The following SYNPR variants were observed in gnomAD, a reference collection of about 807,000 sequenced individuals.
SYNPR encodes the protein synaptoporin.
Under a neutral mutation model 32.9 loss-of-function variants are expected in SYNPR, and 23 were observed. The observed-to-expected ratio is 0.70, with a 90% CI of 0.50 to 0.99. SYNPR has a LOEUF of 0.99. Ranked by LOEUF, SYNPR falls within the 50% of genes least tolerant of loss-of-function variation. The pLI is 0.00. For missense variants in SYNPR, 318 were observed against 349.3 expected (o/e 0.91, Z 0.71); for synonymous variants, 146 against 135.9 (o/e 1.07, Z -0.52).
the SYNPR span, among the ~76,000 whole-genome samples, chr3:63,211,297 C>G: frequency 1.3e-5 from 2 of 152,098 alleles, no homozygotes; most frequent in South Asian, 2.1e-4. Context: ...GAACTCCTGA[C>G]CTCAAATGAT....
At chr3:63,400,755 C>T (rs967932443) in intron 2 of SYNPR, among the ~76,000 whole-genome samples, 10 of 152,172 alleles carry the variant, frequency 6.6e-5, no homozygotes, top group African/African-American at 2.4e-4. Flanking sequence ...TATGTCAAAC[C>T]CACCACAGGC....
At chr3:63,203,683 A>G in the SYNPR span, among the ~76,000 whole-genome samples, 1 of 152,168 alleles carries the variant, frequency 6.6e-6, no homozygotes, top group African/African-American at 2.4e-5. Context: ...CTACCTAGAC[A>G]CTACTGCCTC....
intron 4 of SYNPR, among the ~76,000 whole-genome samples, chr3:63,568,261 C>T (rs1050622195): frequency 3.9e-5 from 6 of 152,130 alleles, no homozygotes; most frequent in Non-Finnish European, 8.8e-5. Flanking sequence ...ATCCAATTTA[C>T]AGAGGTTAAG....
At chr3:63,243,727 A>G (rs967087433) in intron 1 of SYNPR, among the ~76,000 whole-genome samples, 5 of 152,084 alleles carry the variant, frequency 3.3e-5, no homozygotes, top group African/African-American at 4.8e-5. Flanking sequence ...TTATATTGTC[A>G]TAACTTCCTC....
At chr3:63,340,419 ATT>A (rs60297238) in intron 2 of SYNPR, among the ~76,000 whole-genome samples, 5 of 128,516 alleles carry the variant, frequency 3.9e-5, no homozygotes, top group Admixed American at 8.4e-5. Context: ...AAAAAAATGT[ATT>A]TTTTTTTTTT....
At chr3:63,499,006 C>A (rs574999903) in intron 3 of SYNPR, among the ~76,000 whole-genome samples, 2 of 147,180 alleles carry the variant, frequency 1.4e-5, no homozygotes, top group Non-Finnish European at 3.0e-5. Flanking sequence ...GTGCCATGAT[C>A]TGATTTACAT....
At chr3:63,280,677 T>C (rs1290886083) in intron 2 of SYNPR, among the ~76,000 whole-genome samples, 1 of 152,118 alleles carries the variant, frequency 6.6e-6, no homozygotes, top group East Asian at 1.9e-4. Flanking sequence ...TCATAAGAAT[T>C]TATCACACTG....
intron 3 of SYNPR, among the ~76,000 whole-genome samples, chr3:63,555,000 T>C (rs1007591976): frequency 9.2e-5 from 14 of 152,104 alleles, no homozygotes; most frequent in Non-Finnish European, 1.9e-4. Flanking sequence ...GTGCTCTTGA[T>C]TTGACTCTCA....
rs1699937875 is a variant in SYNPR at position 63,595,777 on chromosome 3, A to G, written c.409-13348A>G. On this transcript the variant is annotated intron_variant, in intron 4 of 5. Transcript: ENST00000478300. ...TATATATATATATATATAATTTTAT[A>G]TATATATAGTTATATATATATAGTT... Among the ~76,000 whole-genome samples the G allele has an allele frequency of 1.2e-4, 7 of 56,364 alleles. No homozygotes were observed. In the South Asian group the frequency reaches 4.2e-3, roughly 34 times the overall value. 37.0% of individuals were successfully genotyped at this position (56,364 alleles called of 152,430 possible).
intron 5 of SYNPR, 141 bp from the exon 6 acceptor site, chr3:63,615,083 G>A: frequency 9.8e-7 from 1 of 1,019,558 alleles, no homozygotes; most frequent in South Asian, 1.7e-5. Context: ...TGAAATACCG[G>A]TTCCAAATGG....
At chr3:63,502,821 T>C (rs147797759) in intron 3 of SYNPR, among the ~76,000 whole-genome samples, 3,329 of 152,184 alleles carry the variant, frequency 0.022, 127 homozygotes, top group African/African-American at 0.076. Flanking sequence ...GCTCCTTTCT[T>C]TTTAGCACTT....
intron 3 of SYNPR, among the ~76,000 whole-genome samples, chr3:63,531,007 G>A (rs911609985): frequency 4.6e-5 from 7 of 152,080 alleles, no homozygotes; most frequent in East Asian, 1.9e-4. Context: ...GGTCCTGGCT[G>A]TGCCAGCAGG....
In SYNPR at chr3:63,262,682, A is replaced by G. The variant is rs548747601; in HGVS notation, n.155-4635A>G. Reference sequence around the variant, plus strand: ...CCAAAGCCCAGCCCTAGTCCCACAGAAGACAGAGGCAGCCACCAATGTATG... The same window carrying G: ...CCAAAGCCCAGCCCTAGTCCCACAGGAGACAGAGGCAGCCACCAATGTATG... On this transcript the variant is annotated intron_variant and non_coding_transcript_variant, in intron 2 of 4. Transcript: ENST00000478456. 2.6e-5 allele frequency among the ~76,000 whole-genome samples: 4 copies of G among 152,278 alleles called. No individual in the cohort carries two copies. In the South Asian group the frequency reaches 8.3e-4, roughly 32 times the overall value.
At chr3:63,525,729 T>C (rs974676327) in intron 3 of SYNPR, among the ~76,000 whole-genome samples, 2 of 152,188 alleles carry the variant, frequency 1.3e-5, no homozygotes, top group Non-Finnish European at 2.9e-5. Flanking sequence ...CTCTGGGAAT[T>C]CTACCATCTC....
intron 2 of SYNPR, among the ~76,000 whole-genome samples, chr3:63,371,371 G>A (rs1044417770): frequency 2.6e-5 from 4 of 152,124 alleles, no homozygotes; most frequent in Admixed American, 1.3e-4. Flanking sequence ...TCTGGCAGTG[G>A]GGGAGGTCAG....
intron 2 of SYNPR, among the ~76,000 whole-genome samples, chr3:63,433,254 T>C (rs1213100318): frequency 6.6e-6 from 1 of 152,226 alleles, no homozygotes; most frequent in Non-Finnish European, 1.5e-5. Flanking sequence ...GTGTTGCTCC[T>C]AGAGTTGAGA....
intron 2 of SYNPR, among the ~76,000 whole-genome samples, chr3:63,475,289 C>A (rs1009866465): frequency 3.3e-5 from 5 of 152,106 alleles, no homozygotes; most frequent in Admixed American, 1.3e-4. Context: ...AATGAGAGTT[C>A]ATTGCAGGTG....
chr3:63,335,854 G>A (rs76015027), intron 2 of SYNPR, among the ~76,000 whole-genome samples: 7 of 131,836 alleles, frequency 5.3e-5, no homozygotes, highest in South Asian at 2.4e-4. Flanking sequence ...TCAGCTCACC[G>A]CAACCTCTGC....
At chr3:63,429,635 C>T (rs1317180774) in intron 2 of SYNPR, among the ~76,000 whole-genome samples, 1 of 152,126 alleles carries the variant, frequency 6.6e-6, no homozygotes, top group African/African-American at 2.4e-5. Context: ...TTGTTGACAT[C>T]CTTGTGTTTT....
Sources: allele counts gnomAD v4.1 joint callset (sites outside exome capture counted in the v4.1 genomes callset), GRCh38; gene constraint gnomAD v4.1.1; transcripts MANE v1.5; gene names NCBI Gene and HGNC (gene_info 2026-07-23, HGNC 2026-07-21).